TRAK1: variants seen among roughly 807,000 people sequenced by gnomAD.
TRAK1 encodes trafficking kinesin protein 1, also known as trafficking kinesin-binding protein 1.
In TRAK1, 33 loss-of-function variants were observed where a neutral mutation model predicts 92.1. The observed-to-expected ratio is 0.36, with a 90% CI of 0.27 to 0.48. TRAK1 has a LOEUF of 0.48. Among genes scored for constraint, TRAK1 ranks in the 20% least tolerant of loss-of-function variants. The pLI is 0.99. For missense variants in TRAK1, 1,123 were observed against 1,257.9 expected (o/e 0.89, Z 1.62); for synonymous variants, 521 against 517.3 (o/e 1.01, Z -0.10).
In TRAK1 at chr3:42,223,952, C is replaced by T. The variant is rs1360552671; in HGVS notation, c.*215C>T. 1.1e-5 allele frequency: 7 copies of T among 656,810 alleles called. No individual in the cohort carries two copies. The highest frequency in any genetic ancestry group is 1.6e-5 in the South Asian group (1 of 61,472). 40.7% of individuals were successfully genotyped at this position (656,810 alleles called of 1,614,324 possible). ...TTGGAGACCTTGTGTCCGCCCTGCT[C>T]TTTCTTCCGATCCCACAGGAAGTGC... is the stretch of plus-strand genomic sequence containing the variant. On this transcript the variant is annotated 3_prime_UTR_variant, in exon 16 of 16. Transcript: ENST00000327628. The surrounding 1 kb of genome is among the most constrained non-coding windows in gnomAD (Gnocchi z 6.1).
chr3:42,222,863 C>G, intron 15 of TRAK1, 79 bp from the exon 16 acceptor site: 1 of 1,510,912 alleles, frequency 6.6e-7, no homozygotes, highest in Non-Finnish European at 9.0e-7. Flanking sequence ...CCTACCCCCC[C>G]TGCAGGAAAC....
At position 42,170,129 on chromosome 3, in the gene TRAK1, G is replaced by A. The variant is rs143110043; in HGVS notation, c.287-6685G>A. ...GCTGGGCCAGGTAGGGATGGTCCCT[G>A]TATGTCCTGTGTGTTGAGGCTGCTG... is the stretch of plus-strand genomic sequence containing the variant. On this transcript the variant is annotated intron_variant, in intron 2 of 15. Transcript: ENST00000327628. Among the ~76,000 whole-genome samples the A allele has an allele frequency of 6.9e-3, 1,045 of 152,298 alleles. 12 individuals are homozygous for A. The highest frequency in any genetic ancestry group is 0.024 in the African/African-American group (993 of 41,564).
At position 42,223,251 on chromosome 3, in the gene TRAK1, C is replaced by G; in HGVS notation, c.2376C>G (p.Ser792=). The change falls in exon 16 of 16, where the codon TCC becomes TCG. Residue 792 remains serine (S), a synonymous_variant. Transcript: ENST00000327628. The surrounding 1 kb of genome is among the most constrained non-coding windows in gnomAD (Gnocchi z 6.1). The part of the protein sequence containing the change: ...PPNSPMQTPT[S]SPPSFEFKCT... The stretch of plus-strand genomic sequence containing the variant: ...ACTCGCCTATGCAGACACCCACATC[C>G]TCCCCACCCTCCTTTGAGTTCAAGT... The G allele has an allele frequency of 5.0e-6, 8 of 1,614,242 alleles. No individual in the cohort carries two copies. The highest frequency in any genetic ancestry group is 6.8e-6 in the Non-Finnish European group (8 of 1,180,032).
At chr3:42,146,254 A>G (rs759128269) in intron 2 of TRAK1, 18 of 305,052 alleles carry the variant, frequency 5.9e-5, no homozygotes, top group Non-Finnish European at 1.0e-4. Context: ...TTCTTGATGA[A>G]AAGCAATATT....
chr3:42,050,817 C>T lies in TRAK1; in HGVS notation c.-518-36287C>T, dbSNP rs558542454. On this transcript the variant is annotated intron_variant, in intron 1 of 16. Coordinates refer to the TRAK1 transcript ENST00000487159. ...GGATTACAGGCCTGTGCCACCGCGC[C>T]CAGCTAATTTTTGTATTTTTAGTAG... Among the ~76,000 whole-genome samples the T allele has an allele frequency of 6.0e-4, 92 of 152,134 alleles. 1 individual carries two copies. Among genetic ancestry groups the T allele is most frequent in the Admixed American group, 1.3e-3 (20 of 15,290 alleles).
Position 42,032,822 on chromosome 3 carries a change from C to T in TRAK1, c.-519+18705C>T, listed in dbSNP as rs564168986. On this transcript the variant is annotated intron_variant, in intron 1 of 16. Transcript: ENST00000487159. ...CCTGTCGTTCCAGCTACTCAGAGGCCGAGGTGGGAGGATCTCTTGAGCCCG... is the reference window on the plus strand; with the variant it reads ...CCTGTCGTTCCAGCTACTCAGAGGCTGAGGTGGGAGGATCTCTTGAGCCCG... Among the ~76,000 whole-genome samples, 29 of 152,168 alleles carry T rather than the reference C, an allele frequency of 1.9e-4. 1 individual carries two copies. In the South Asian group the frequency reaches 5.4e-3, roughly 28 times the overall value.
chr3:42,051,741 T>C (rs1035189997), intron 1 of TRAK1: 3 of 152,216 alleles, frequency 2.0e-5, no homozygotes, highest in African/African-American at 4.8e-5. Flanking sequence ...CTACTTGCAC[T>C]TGAATGAGCC....
At chr3:42,046,705 A>C (rs1702765795) in intron 1 of TRAK1, among the ~76,000 whole-genome samples, 1 of 152,216 alleles carries the variant, frequency 6.6e-6, no homozygotes, top group African/African-American at 2.4e-5. Flanking sequence ...TCTGATGTAG[A>C]CTAGAAGGCA....
chr3:42,203,421 CA>C, intron 13 of TRAK1: 4 of 984,658 alleles, frequency 4.1e-6, no homozygotes, highest in Non-Finnish European at 4.8e-6. Context: ...GTGTTAGTAT[CA>C]GGGGCATCTC....
intron 1 of TRAK1, among the ~76,000 whole-genome samples, chr3:42,026,052 G>A (rs1380364564): frequency 1.3e-5 from 2 of 150,706 alleles, no homozygotes; most frequent in African/African-American, 4.9e-5. Context: ...TTCTCCCTCT[G>A]TCTCTTTCTT....
At chr3:42,063,527 A>T (rs1703539435) in intron 1 of TRAK1, among the ~76,000 whole-genome samples, 1 of 152,044 alleles carries the variant, frequency 6.6e-6, no homozygotes, top group Admixed American at 6.5e-5. Context: ...CTCTACAAAA[A>T]TTACAAAAAC....
chr3:42,121,481 G>C (rs537484911), intron 1 of TRAK1, among the ~76,000 whole-genome samples: 2 of 151,842 alleles, frequency 1.3e-5, no homozygotes, highest in Non-Finnish European at 2.9e-5. Flanking sequence ...GGATGGTCTC[G>C]ATCTCCTGAC....
intron 1 of TRAK1, among the ~76,000 whole-genome samples, chr3:42,066,389 A>G (rs929579952): frequency 1.3e-5 from 2 of 152,090 alleles, no homozygotes; most frequent in Admixed American, 1.3e-4. Flanking sequence ...CCCTAAGTCC[A>G]TGGAGGGATT....
chr3:42,043,063 G>A (rs1702611227), intron 1 of TRAK1, among the ~76,000 whole-genome samples: 1 of 152,090 alleles, frequency 6.6e-6, no homozygotes, highest in Non-Finnish European at 1.5e-5. Context: ...TCTGACTTTA[G>A]AGTTCTTGCT....
At chr3:42,096,505 C>T (rs553134189) in intron 1 of TRAK1, among the ~76,000 whole-genome samples, 2 of 152,310 alleles carry the variant, frequency 1.3e-5, no homozygotes, top group Admixed American at 6.5e-5. Context: ...CTGCCCGCCT[C>T]GACCTCCCAA....
chr3:42,220,190 C>T (rs1710203854), intron 15 of TRAK1, among the ~76,000 whole-genome samples: 1 of 152,138 alleles, frequency 6.6e-6, no homozygotes, highest in Non-Finnish European at 1.5e-5. Context: ...AGGAACCATG[C>T]AGCACAGCCA....
intron 3 of TRAK1, among the ~76,000 whole-genome samples, chr3:42,182,641 G>A (rs1414813235): frequency 6.6e-6 from 1 of 152,242 alleles, no homozygotes; most frequent in African/African-American, 2.4e-5. Context: ...TGACAGCATT[G>A]CCAGTTTGGG....
chr3:42,098,354 T>C (rs1289247706), intron 1 of TRAK1, among the ~76,000 whole-genome samples: 1 of 152,236 alleles, frequency 6.6e-6, no homozygotes, highest in Non-Finnish European at 1.5e-5. Flanking sequence ...TTAATGTTCT[T>C]TTGTGCTTTT....
At chr3:42,156,183 C>A (rs181793920) in intron 2 of TRAK1, among the ~76,000 whole-genome samples, 17 of 152,354 alleles carry the variant, frequency 1.1e-4, no homozygotes, top group African/African-American at 3.1e-4. Context: ...TCTTGCCGGT[C>A]TTTGGGGGTT....
Sources: gnomAD v4.1 joint callset for allele counts (sites outside exome capture counted in the v4.1 genomes callset) on GRCh38, gnomAD v4.1.1 for gene constraint, Gnocchi (gnomAD v3.1) non-coding constraint, MANE v1.5 for transcripts, NCBI Gene and HGNC (gene_info 2026-07-23, HGNC 2026-07-21) for gene names.